Variants in FGF14 observed in about 807,000 individuals in gnomAD.
FGF14 encodes fibroblast growth factor 14, also known as fibroblast growth factor homologous factor 4.
Under a neutral mutation model 25.5 loss-of-function variants are expected in FGF14, and 5 were observed. The observed-to-expected ratio is 0.20, with a 90% confidence interval of 0.10 to 0.41. The LOEUF (loss-of-function observed/expected upper bound fraction) is 0.41, where lower values mean the gene tolerates loss of function less well. Ranked by LOEUF, FGF14 falls within the 10% of genes least tolerant of loss-of-function variation. The probability of loss-of-function intolerance (pLI) is 1.00; values close to 1 mark genes in which losing one functional copy is unlikely to be tolerated. For missense variants in FGF14, 222 were observed against 320.1 expected (o/e 0.69, Z 2.34); for synonymous variants, 138 against 118.3 (o/e 1.17, Z -1.08).
At chr13:101,768,152 A>G (rs1315498269) in intron 3 of FGF14, among the ~76,000 whole-genome samples, 1 of 152,166 alleles carries the variant, frequency 6.6e-6, no homozygotes, top group East Asian at 1.9e-4. Context: ...AAAATAATAC[A>G]TACCTTAAAA....
chr13:101,779,213 G>A (rs1359750310), intron 3 of FGF14, among the ~76,000 whole-genome samples: 2 of 152,060 alleles, frequency 1.3e-5, no homozygotes, highest in African/African-American at 2.4e-5. Context: ...CTCCTAGTCC[G>A]GAATCACCCC....
At chr13:101,826,503 A>C (rs1039172627) in intron 3 of FGF14, among the ~76,000 whole-genome samples, 1 of 152,088 alleles carries the variant, frequency 6.6e-6, no homozygotes, top group Non-Finnish European at 1.5e-5. Context: ...CATCACCTCA[A>C]ACTTCCCATA....
chr13:102,322,304 G>T (rs2056275212), intron 1 of FGF14, among the ~76,000 whole-genome samples: 2 of 152,142 alleles, frequency 1.3e-5, no homozygotes, highest in Non-Finnish European at 2.9e-5. Context: ...CTTCACCATG[G>T]TATCAAAGGA....
intron 1 of FGF14, among the ~76,000 whole-genome samples, chr13:102,039,034 T>A (rs1161501044): frequency 2.0e-5 from 3 of 152,140 alleles, no homozygotes; most frequent in Non-Finnish European, 4.4e-5. Context: ...TATGTTCTGT[T>A]ATCCTCATTA....
chr13:101,962,585 G>T (rs531716986), intron 1 of FGF14, among the ~76,000 whole-genome samples: 1 of 152,038 alleles, frequency 6.6e-6, no homozygotes, highest in South Asian at 2.1e-4. Context: ...AAGATAATTT[G>T]TCATAAAGCC....
intron 1 of FGF14, among the ~76,000 whole-genome samples, chr13:102,143,330 T>G (rs1213045992): frequency 6.6e-6 from 1 of 152,140 alleles, no homozygotes; most frequent in African/African-American, 2.4e-5. Context: ...TATTAACCCT[T>G]CTACTCAGAT....
At chr13:102,027,557 C>T (rs942266283) in intron 1 of FGF14, among the ~76,000 whole-genome samples, 4 of 152,022 alleles carry the variant, frequency 2.6e-5, no homozygotes, top group African/African-American at 9.7e-5. Flanking sequence ...TTATTCCACA[C>T]ATAAAAGAAA....
At chr13:101,961,602 C>T (rs2036861571) in intron 1 of FGF14, among the ~76,000 whole-genome samples, 1 of 152,094 alleles carries the variant, frequency 6.6e-6, no homozygotes, top group Admixed American at 6.6e-5. Context: ...TCATAATACC[C>T]ATATGTTATG....
intron 1 of FGF14, among the ~76,000 whole-genome samples, chr13:102,286,254 C>T (rs538870569): frequency 2.0e-5 from 3 of 152,206 alleles, no homozygotes; most frequent in South Asian, 4.2e-4. Flanking sequence ...TCCCTGACCA[C>T]GTTCTCCCCC....
chr13:102,177,888 C>T (rs9585868), intron 1 of FGF14, among the ~76,000 whole-genome samples: 1 of 151,982 alleles, frequency 6.6e-6, no homozygotes, highest in Non-Finnish European at 1.5e-5. Flanking sequence ...TATGCAAATC[C>T]TGAATTATAT....
chr13:102,011,808 T>C (rs2040096124), intron 1 of FGF14, among the ~76,000 whole-genome samples: 1 of 152,264 alleles, frequency 6.6e-6, no homozygotes, highest in South Asian at 2.1e-4. Context: ...GGTATAATGA[T>C]TCTATAAATA....
At chr13:102,093,919 C>G (rs974532630) in intron 1 of FGF14, among the ~76,000 whole-genome samples, 8 of 149,732 alleles carry the variant, frequency 5.3e-5, no homozygotes, top group African/African-American at 1.7e-4. Flanking sequence ...TGCAAAATAC[C>G]TTTTTATCTT....
At chr13:101,892,020 A>G (rs570570327) in intron 1 of FGF14, among the ~76,000 whole-genome samples, 1 of 152,318 alleles carries the variant, frequency 6.6e-6, no homozygotes, top group East Asian at 1.9e-4. Context: ...AGCAAAAAAC[A>G]AGAAAAGCTA....
chr13:102,142,787 G>A (rs1285208801), intron 1 of FGF14, among the ~76,000 whole-genome samples: 1 of 152,102 alleles, frequency 6.6e-6, no homozygotes, highest in African/African-American at 2.4e-5. Context: ...AATGTAGCTT[G>A]TCTTCACTTT....
chr13:102,048,357 C>A (rs926256403), intron 1 of FGF14, among the ~76,000 whole-genome samples: 64 of 152,152 alleles, frequency 4.2e-4, no homozygotes, highest in Non-Finnish European at 1.3e-4. Context: ...ATAATGGACA[C>A]ATGAAGAGTT....
intron 1 of FGF14, among the ~76,000 whole-genome samples, chr13:102,244,786 C>T (rs2051778129): frequency 6.6e-6 from 1 of 151,974 alleles, no homozygotes. Context: ...CAGCAGAGGC[C>T]ATGTGGATGG....
intron 1 of FGF14, among the ~76,000 whole-genome samples, chr13:102,099,692 AC>A (rs1421762203): frequency 2.6e-5 from 4 of 151,986 alleles, no homozygotes; most frequent in African/African-American, 9.7e-5. Context: ...TACCTCAAAA[AC>A]ATCTCTTATT....
intron 4 of FGF14, among the ~76,000 whole-genome samples, chr13:101,725,363 C>T (rs1462555814): frequency 6.6e-6 from 1 of 151,912 alleles, no homozygotes; most frequent in African/African-American, 2.4e-5. Flanking sequence ...GAATAATTCA[C>T]TCATATTTCA....
chr13:102,221,535 T>C (rs1361218322), intron 1 of FGF14, among the ~76,000 whole-genome samples: 1 of 152,150 alleles, frequency 6.6e-6, no homozygotes, highest in Non-Finnish European at 1.5e-5. Flanking sequence ...GGAGACCGCA[T>C]ATAATAGAAA....
Sources: gnomAD v4.1 joint callset for allele counts (sites outside exome capture counted in the v4.1 genomes callset) on GRCh38, gnomAD v4.1.1 for gene constraint, MANE v1.5 for transcripts, NCBI Gene and HGNC (gene_info 2026-07-23, HGNC 2026-07-21) for gene names.